WWOX: variants seen among roughly 807,000 people sequenced by gnomAD.
WWOX encodes the protein WW domain containing oxidoreductase.
A neutral mutation model predicts 46.2 loss-of-function variants in WWOX; 69 were observed. That is an observed-to-expected ratio of 1.49 (90% CI 1.23 to 1.82). The LOEUF is 1.82. Ranked by LOEUF, WWOX falls within the 40% of genes most tolerant of loss-of-function variation. WWOX has a pLI of 0.00. For missense variants in WWOX, 919 were observed against 542.6 expected (o/e 1.69, Z -6.89); for synonymous variants, 359 against 202.6 (o/e 1.77, Z -6.56).
intron 8 of WWOX, among the ~76,000 whole-genome samples, chr16:78,816,265 T>G (rs1264105468): frequency 6.6e-6 from 1 of 152,200 alleles, no homozygotes; most frequent in Non-Finnish European, 1.5e-5. Flanking sequence ...CCTTTTCTTT[T>G]CTAGCATTTG....
At chr16:78,996,674 G>A (rs1245147016) in intron 8 of WWOX, among the ~76,000 whole-genome samples, 1 of 152,012 alleles carries the variant, frequency 6.6e-6, no homozygotes, top group Non-Finnish European at 1.5e-5. Flanking sequence ...CCAAAATGTG[G>A]GGACAATATG....
At chr16:78,510,191 C>G (rs1041338176) in intron 8 of WWOX, among the ~76,000 whole-genome samples, 7 of 152,172 alleles carry the variant, frequency 4.6e-5, no homozygotes, top group African/African-American at 1.7e-4. Context: ...CAAAATATGT[C>G]TGTCTTTATT....
At chr16:78,695,086 A>G (rs1597455906) in intron 8 of WWOX, among the ~76,000 whole-genome samples, 1 of 152,304 alleles carries the variant, frequency 6.6e-6, no homozygotes, top group Non-Finnish European at 1.5e-5. Flanking sequence ...ACTGCCTGCT[A>G]CTTTCATTTA....
Position 78,198,031 on chromosome 16 carries a change from C to G in WWOX, c.516+33742C>G, listed in dbSNP as rs552281453. 1.3e-4 allele frequency among the ~76,000 whole-genome samples: 20 copies of G among 152,118 alleles called. No homozygotes were observed. In the South Asian group the frequency reaches 1.9e-3, roughly 14 times the overall value. ...GGAGCAAAGGGCAGTTTTCACTCCT[C>G]TTCCCTAAAACTGTAGTTTAACTAA... On this transcript the variant is annotated intron_variant, in intron 5 of 8. Coordinates refer to ENST00000566780, the MANE Select transcript of WWOX (RefSeq NM_016373.4).
chr16:78,614,590 T>G (rs1597350081), intron 8 of WWOX, among the ~76,000 whole-genome samples: 1 of 152,140 alleles, frequency 6.6e-6, no homozygotes, highest in Non-Finnish European at 1.5e-5. Flanking sequence ...TTCAGGGGAA[T>G]GTGTGGGTCT....
chr16:78,879,324 C>G (rs1156432700), intron 8 of WWOX, among the ~76,000 whole-genome samples: 1 of 152,114 alleles, frequency 6.6e-6, no homozygotes, highest in Non-Finnish European at 1.5e-5. Context: ...ATGGTGGACC[C>G]TCTGATGTTG....
intron 8 of WWOX, among the ~76,000 whole-genome samples, chr16:78,762,272 C>G (rs1211055607): frequency 6.6e-6 from 1 of 152,194 alleles, no homozygotes; most frequent in Non-Finnish European, 1.5e-5. Flanking sequence ...TCTTGGTACT[C>G]AAAGCTTGGT....
chr16:78,894,521 C>G (rs566004132), intron 8 of WWOX, among the ~76,000 whole-genome samples: 13 of 152,296 alleles, frequency 8.5e-5, no homozygotes, highest in Non-Finnish European at 1.3e-4. Flanking sequence ...TCTGCTCTAC[C>G]TAGTTCATTG....
chr16:78,666,770 G>C (rs142434753), intron 8 of WWOX, among the ~76,000 whole-genome samples: 126 of 152,262 alleles, frequency 8.3e-4, no homozygotes, highest in Middle Eastern at 3.4e-3. Context: ...TTCTTTCCTG[G>C]AGAGATTAGT....
chr16:78,802,973 C>T (rs2050935522), intron 8 of WWOX, among the ~76,000 whole-genome samples: 1 of 112,282 alleles, frequency 8.9e-6, no homozygotes, highest in Non-Finnish European at 1.9e-5. Context: ...GAGTGAGTGG[C>T]AAGAAAGATG....
At chr16:79,076,038 C>T (rs11150134) in intron 8 of WWOX, among the ~76,000 whole-genome samples, 61,037 of 151,900 alleles carry the variant, frequency 0.4, 12,663 homozygotes, top group East Asian at 0.76. Context: ...TATGTAGAAC[C>T]ATTTTCTTGA....
chr16:78,353,553 A>T (rs898157127), intron 5 of WWOX, among the ~76,000 whole-genome samples: 1 of 152,222 alleles, frequency 6.6e-6, no homozygotes, highest in Non-Finnish European at 1.5e-5. Context: ...GACTTTCTGA[A>T]ATAATCCTTA....
intron 8 of WWOX, among the ~76,000 whole-genome samples, chr16:78,749,968 T>C (rs1236980821): frequency 1.3e-5 from 2 of 152,166 alleles, no homozygotes; most frequent in African/African-American, 4.8e-5. Flanking sequence ...CAGATGCTTT[T>C]TGGCAGAGTG....
intron 8 of WWOX, among the ~76,000 whole-genome samples, chr16:78,821,989 G>A (rs1224313259): frequency 1.3e-5 from 2 of 152,104 alleles, no homozygotes; most frequent in African/African-American, 4.8e-5. Flanking sequence ...CGATCCTTCT[G>A]CCTCAGTCTC....
At chr16:79,147,338 A>G (rs1268429572) in intron 8 of WWOX, among the ~76,000 whole-genome samples, 1 of 152,216 alleles carries the variant, frequency 6.6e-6, no homozygotes, top group Non-Finnish European at 1.5e-5. Flanking sequence ...TTATATAAGC[A>G]GAATAGCATA....
intron 8 of WWOX, among the ~76,000 whole-genome samples, chr16:78,722,224 T>G (rs1365605364): frequency 6.6e-6 from 1 of 152,206 alleles, no homozygotes; most frequent in African/African-American, 2.4e-5. Context: ...GTAGTAGTTA[T>G]GGTCACTGAC....
chr16:78,536,183 A>G (rs2043754881), intron 8 of WWOX, among the ~76,000 whole-genome samples: 1 of 152,176 alleles, frequency 6.6e-6, no homozygotes. Context: ...CCCAGAGTAC[A>G]CATGCATGGG....
chr16:78,971,471 A>G (rs868059723), intron 8 of WWOX, among the ~76,000 whole-genome samples: 17 of 129,976 alleles, frequency 1.3e-4, no homozygotes, highest in African/African-American at 4.4e-4. Context: ...AAAAAAAAAA[A>G]AAAGAGAGAG....
intron 8 of WWOX, among the ~76,000 whole-genome samples, chr16:79,059,757 A>G (rs1466284166): frequency 6.6e-6 from 1 of 152,154 alleles, no homozygotes; most frequent in Non-Finnish European, 1.5e-5. Context: ...AAATGGGTAA[A>G]CTTGAAACAT....
Sources: gnomAD v4.1 joint callset for allele counts (sites outside exome capture counted in the v4.1 genomes callset) on GRCh38, gnomAD v4.1.1 for gene constraint, MANE v1.5 for transcripts, NCBI Gene and HGNC (gene_info 2026-07-23, HGNC 2026-07-21) for gene names.